HMGCLL1: variants seen among roughly 807,000 people sequenced by gnomAD.
HMGCLL1 encodes 3-hydroxymethyl-3-methylglutaryl-CoA lyase, cytoplasmic.
HMGCLL1 carries 36 observed loss-of-function variants against 39.1 expected under a neutral mutation model. The ratio of observed to expected loss-of-function variants is 0.92; its 90% CI spans 0.71 to 1.22. The LOEUF is 1.22. HMGCLL1 is among the 50% of genes most tolerant of loss of function. The pLI is 0.00. For missense variants in HMGCLL1, 451 were observed against 416.5 expected (o/e 1.08, Z -0.72); for synonymous variants, 149 against 144.0 (o/e 1.03, Z -0.25).
At chr6:55,562,940 C>A (rs999106966) in intron 1 of HMGCLL1, among the ~76,000 whole-genome samples, 2 of 151,860 alleles carry the variant, frequency 1.3e-5, no homozygotes, top group Non-Finnish European at 2.9e-5. Context: ...AAAAAAAATG[C>A]TTTGATATAC....
At chr6:55,613,147 C>T in the HMGCLL1 span, among the ~76,000 whole-genome samples, 2 of 152,096 alleles carry the variant, frequency 1.3e-5, no homozygotes, top group African/African-American at 2.4e-5. Flanking sequence ...CATGAACAGA[C>T]AGTTCTCAAA....
At chr6:55,648,931 C>G in the HMGCLL1 span, among the ~76,000 whole-genome samples, 7 of 149,230 alleles carry the variant, frequency 4.7e-5, no homozygotes, top group African/African-American at 1.7e-4. Context: ...AATTTTAGAC[C>G]AATATCCTTG....
At chr6:55,612,929 C>T in the HMGCLL1 span, among the ~76,000 whole-genome samples, 1 of 152,070 alleles carries the variant, frequency 6.6e-6, no homozygotes, top group Non-Finnish European at 1.5e-5. Flanking sequence ...GCATATGTAA[C>T]AAAAGCTAAA....
At chr6:55,617,301 C>T in the HMGCLL1 span, among the ~76,000 whole-genome samples, 8 of 152,084 alleles carry the variant, frequency 5.3e-5, no homozygotes, top group Non-Finnish European at 8.8e-5. Flanking sequence ...ATTCTCCACA[C>T]CCACCAGCTC....
In HMGCLL1 at chr6:55,454,381, G is replaced by A. The variant is rs375446183; in HGVS notation, c.796-14822C>T. On this transcript the variant is annotated intron_variant, in intron 7 of 8. Transcript: ENST00000274901. Reference sequence around the variant, plus strand: ...ACTGGAGGGCATACAAGACTCAGAAGCTCAGCATCCAGCTGACAGAGGTAA... The same window carrying A: ...ACTGGAGGGCATACAAGACTCAGAAACTCAGCATCCAGCTGACAGAGGTAA... 3.3e-5 allele frequency among the ~76,000 whole-genome samples: 5 copies of A among 152,320 alleles called. No homozygotes were observed. In the South Asian group the frequency reaches 8.3e-4, roughly 25 times the overall value.
the HMGCLL1 span, among the ~76,000 whole-genome samples, chr6:55,624,918 G>T: frequency 6.6e-6 from 1 of 152,092 alleles, no homozygotes; most frequent in Non-Finnish European, 1.5e-5. Context: ...CTGAAAGGCT[G>T]CCAATTTTTA....
intron 7 of HMGCLL1, among the ~76,000 whole-genome samples, chr6:55,492,323 A>G (rs1043784656): frequency 6.6e-6 from 1 of 152,090 alleles, no homozygotes; most frequent in African/African-American, 2.4e-5. Context: ...TTTCTTCAAT[A>G]TATTTTCTTC....
At chr6:55,635,290 T>TA in the HMGCLL1 span, among the ~76,000 whole-genome samples, 1 of 152,130 alleles carries the variant, frequency 6.6e-6, no homozygotes, top group Non-Finnish European at 1.5e-5. Context: ...AGCTTTGAAT[T>TA]ATACACACTT....
chr6:55,495,444 A>G lies in HMGCLL1; in HGVS notation c.770T>C (p.Leu257Ser). ...VHCHDTYGQA[L>S]ANILTALQMG... ...CTGAAGGGCCGTAAGGATATTTGCTAAGGCTTGTCCGTATGTGTCATGACA... is the reference window on the plus strand; with the variant it reads ...CTGAAGGGCCGTAAGGATATTTGCTGAGGCTTGTCCGTATGTGTCATGACA... The change falls in exon 7 of 9, where the codon TTA becomes TCA. Residue 257 changes from leucine (L) to serine (S), a missense_variant. Transcript: ENST00000274901. 6.2e-7 allele frequency: 1 copy of G among 1,613,914 alleles called. No individual in the cohort carries two copies. Among genetic ancestry groups the G allele is most frequent in the South Asian group, 1.1e-5 (1 of 91,062 alleles).
At chr6:55,566,294 C>T (rs1409798681) in intron 1 of HMGCLL1, among the ~76,000 whole-genome samples, 1 of 152,102 alleles carries the variant, frequency 6.6e-6, no homozygotes, top group Non-Finnish European at 1.5e-5. Flanking sequence ...CTTCCTGCCT[C>T]ATTGTTTGCC....
At chr6:55,561,932 A>G (rs1352474726) in intron 1 of HMGCLL1, among the ~76,000 whole-genome samples, 1 of 152,166 alleles carries the variant, frequency 6.6e-6, no homozygotes, top group Admixed American at 6.5e-5. Flanking sequence ...AAGAAATTAT[A>G]AACTATAACA....
At chr6:55,482,429 C>G (rs1050259638) in intron 7 of HMGCLL1, among the ~76,000 whole-genome samples, 3 of 152,046 alleles carry the variant, frequency 2.0e-5, no homozygotes, top group Admixed American at 1.3e-4. Context: ...TTTAAAATTA[C>G]ACTGTTGGCC....
chr6:55,640,321 T>G, the HMGCLL1 span, among the ~76,000 whole-genome samples: 1 of 152,046 alleles, frequency 6.6e-6, no homozygotes, highest in Non-Finnish European at 1.5e-5. Flanking sequence ...ATTTCATTTA[T>G]TCATTGAAAA....
the HMGCLL1 span, among the ~76,000 whole-genome samples, chr6:55,639,235 G>A: frequency 2.6e-5 from 4 of 151,658 alleles, no homozygotes; most frequent in African/African-American, 9.7e-5. Flanking sequence ...AACAAAAACA[G>A]CATAACCACT....
At chr6:55,576,515 A>G (rs956648213) in intron 1 of HMGCLL1, among the ~76,000 whole-genome samples, 1 of 152,214 alleles carries the variant, frequency 6.6e-6, no homozygotes, top group African/African-American at 2.4e-5. Context: ...GAAACAGAGA[A>G]ATAGCATTAT....
the HMGCLL1 span, among the ~76,000 whole-genome samples, chr6:55,607,918 T>C: frequency 2.0e-5 from 3 of 152,174 alleles, no homozygotes; most frequent in Admixed American, 2.0e-4. Context: ...GACACATCTA[T>C]AAGATGAAAG....
chr6:55,549,983 G>GT (rs1224657294), intron 1 of HMGCLL1, among the ~76,000 whole-genome samples: 1 of 151,798 alleles, frequency 6.6e-6, no homozygotes, highest in Non-Finnish European at 1.5e-5. Context: ...TTTATGTAAT[G>GT]TTTCTTTTCT....
chr6:55,536,168 A>G (rs566557502), intron 3 of HMGCLL1, among the ~76,000 whole-genome samples: 1 of 152,268 alleles, frequency 6.6e-6, no homozygotes, highest in South Asian at 2.1e-4. Flanking sequence ...TTTAAGTTTT[A>G]GAGTGACTTG....
the HMGCLL1 span, among the ~76,000 whole-genome samples, chr6:55,657,010 G>A: frequency 6.6e-6 from 1 of 151,816 alleles, no homozygotes; most frequent in African/African-American, 2.4e-5. Flanking sequence ...ATACAGAAGT[G>A]TAGGATGTAC....
Sources: gnomAD v4.1 joint callset for allele counts (sites outside exome capture counted in the v4.1 genomes callset) on GRCh38, gnomAD v4.1.1 for gene constraint, MANE v1.5 for transcripts, NCBI Gene and HGNC (gene_info 2026-07-23, HGNC 2026-07-21) for gene names.